Variants in PHEX observed in about 807,000 individuals in gnomAD.
PHEX encodes phosphate regulating endopeptidase X-linked, also known as phosphate-regulating neutral endopeptidase PHEX.
In PHEX, 16 loss-of-function variants were observed where a neutral mutation model predicts 68.0. The ratio of observed to expected loss-of-function variants is 0.24; its 90% CI spans 0.16 to 0.36. The LOEUF is 0.36. PHEX is among the 10% of genes least tolerant of loss of function. The pLI, the probability that PHEX is intolerant of heterozygous loss-of-function variation, is 1.00. For missense variants in PHEX, 480 were observed against 575.5 expected (o/e 0.83, Z 1.70); for synonymous variants, 208 against 205.1 (o/e 1.01, Z -0.12).
intron 3 of PHEX, among the ~76,000 whole-genome samples, chrX:22,056,933 C>T (rs1244384163): frequency 9.1e-6 from 1 of 109,620 alleles, no homozygotes; most frequent in Non-Finnish European, 1.9e-5. Flanking sequence ...CTTTTGGGTA[C>T]CTGAAAATAT....
At chrX:22,224,947 A>AATTATCATACAGCGCTGTAGGATTT (rs1935401265) in intron 18 of PHEX, among the ~76,000 whole-genome samples, 1 of 23,250 alleles carries the variant, frequency 4.3e-5, no homozygotes, top group Non-Finnish European at 7.9e-5. Flanking sequence ...AAATAACATA[A>AATTATCATACAGCGCTGTAGGATTT]ATTATCATAC....
chrX:22,211,973 C>T (rs1254681771), intron 15 of PHEX, among the ~76,000 whole-genome samples: 1 of 111,528 alleles, frequency 9.0e-6, no homozygotes, highest in African/African-American at 3.3e-5. Flanking sequence ...TCCACCTGGC[C>T]CCACCCTTGA....
intron 16 of PHEX, among the ~76,000 whole-genome samples, chrX:22,213,164 A>G (rs776799914): frequency 1.1e-3 from 123 of 112,259 alleles, no homozygotes; most frequent in Middle Eastern, 4.6e-3. Context: ...AAGCCATCTT[A>G]CACATAGGTG....
chrX:22,092,836 G>A lies in PHEX; in HGVS notation c.733-1147G>A, dbSNP rs759322906. Among the ~76,000 whole-genome samples the A allele has an allele frequency of 9.6e-5, 9 of 94,187 alleles. 1 individual carries two copies. The East Asian group carries it at 1.8e-3, about 19-fold the overall frequency. The allele number at this position is 94,187 out of a possible 115,157, so 81.8% of individuals were successfully genotyped here. A position where few individuals can be genotyped will look rare whatever the true frequency, so the allele number is the denominator to read the frequency against. ...ATAATCTCGGCTCACTGCAACCTCC[G>A]CCTCCTGGGTTCAAGCGATTCTGCT... is the stretch of plus-strand genomic sequence containing the variant. On this transcript the variant is annotated intron_variant, in intron 6 of 21. Transcript: ENST00000379374.
chrX:22,225,183 C>T (rs1285592506), intron 18 of PHEX, among the ~76,000 whole-genome samples: 2 of 108,463 alleles, frequency 1.8e-5, no homozygotes, highest in Non-Finnish European at 3.8e-5. Flanking sequence ...TCTCATGTTG[C>T]ATCACTCTGA....
At chrX:22,191,825 G>T (rs1294267443) in intron 15 of PHEX, among the ~76,000 whole-genome samples, 1 of 112,292 alleles carries the variant, frequency 8.9e-6, no homozygotes, top group Non-Finnish European at 1.9e-5. Context: ...TCTGCAGGAA[G>T]ATGAGTCACA....
intron 14 of PHEX, among the ~76,000 whole-genome samples, chrX:22,184,644 A>G (rs1239671132): frequency 9.0e-6 from 1 of 111,602 alleles, no homozygotes; most frequent in Non-Finnish European, 1.9e-5. Flanking sequence ...TCACTTCATC[A>G]GCTTGCTTAA....
At chrX:22,235,962 C>T in intron 20 of PHEX, among the ~76,000 whole-genome samples, 1 of 111,163 alleles carries the variant, frequency 9.0e-6, no homozygotes, top group Non-Finnish European at 1.9e-5. Flanking sequence ...CATCTGGCTT[C>T]CCAAATTTTC....
intron 20 of PHEX, among the ~76,000 whole-genome samples, chrX:22,243,647 A>C (rs1366364955): frequency 1.8e-5 from 2 of 112,626 alleles, no homozygotes; most frequent in African/African-American, 6.5e-5. Context: ...TTAAAAGAAG[A>C]CATTTATGCA....
chrX:22,097,903 G>T (rs1395867949), intron 8 of PHEX: 1 of 173,634 alleles, frequency 5.8e-6, no homozygotes, highest in African/African-American at 3.2e-5. Flanking sequence ...GAGTAGCTGG[G>T]ATTACAGGTG....
intron 20 of PHEX, among the ~76,000 whole-genome samples, chrX:22,244,692 G>T (rs1254267107): frequency 8.9e-6 from 1 of 111,851 alleles, no homozygotes; most frequent in Non-Finnish European, 1.9e-5. Context: ...AAAGACATAC[G>T]AGGATATGTG....
At chrX:22,064,284 C>CCT (rs1928502700) in intron 3 of PHEX, among the ~76,000 whole-genome samples, 2 of 108,436 alleles carry the variant, frequency 1.8e-5, no homozygotes, top group Non-Finnish European at 3.8e-5. Flanking sequence ...TTTTTCTGAA[C>CCT]CTCTCCCCTC....
chrX:22,250,727 G>A lies in PHEX; in HGVS notation c.*2774G>A, dbSNP rs1038572755. 8.9e-6 allele frequency: 1 copy of A among 112,128 alleles called. No homozygotes were observed. The highest frequency in any genetic ancestry group is 1.9e-5 in the Non-Finnish European group (1 of 53,193). The allele number at this position is 112,128 out of a possible 1,213,427, so 9.2% of individuals were successfully genotyped here. A position where few individuals can be genotyped will look rare whatever the true frequency, so the allele number is the denominator to read the frequency against. Reference sequence around the variant, plus strand: ...TTTATTCATTTTATGAGATGGACTTGGACATCACTAATGCAAACACAGGAT... The same window carrying A: ...TTTATTCATTTTATGAGATGGACTTAGACATCACTAATGCAAACACAGGAT... On this transcript the variant is annotated 3_prime_UTR_variant, in exon 22 of 22. Transcript: ENST00000379374.
At chrX:22,111,428 C>A in intron 9 of PHEX, 39 bp from the exon 10 acceptor site, 4 of 1,038,554 alleles carry the variant, frequency 3.9e-6, no homozygotes, top group Non-Finnish European at 5.4e-6. Context: ...CAGATATTGA[C>A]CTAAAATACA....
At chrX:22,186,591 C>T (rs910799665) in intron 14 of PHEX, among the ~76,000 whole-genome samples, 2 of 112,614 alleles carry the variant, frequency 1.8e-5, no homozygotes, top group Non-Finnish European at 3.7e-5. Context: ...GAAGAAATAA[C>T]AGCATCAACA....
chrX:22,114,300 T>C (rs1240517713), intron 10 of PHEX, among the ~76,000 whole-genome samples, 158 bp from the exon 11 acceptor site: 1 of 111,374 alleles, frequency 9.0e-6, no homozygotes, highest in Non-Finnish European at 1.9e-5. Context: ...CAGAATTTTT[T>C]TCTTCAACTA....
intron 5 of PHEX, among the ~76,000 whole-genome samples, chrX:22,077,943 C>T (rs1929232443): frequency 8.9e-6 from 1 of 111,944 alleles, no homozygotes; most frequent in South Asian, 3.7e-4. Context: ...TGATCTGGCC[C>T]TCATATGCCT....
At chrX:22,160,576 A>T (rs892777290) in intron 12 of PHEX, among the ~76,000 whole-genome samples, 33 of 108,813 alleles carry the variant, frequency 3.0e-4, no homozygotes, top group African/African-American at 1.0e-3. Flanking sequence ...GAAAAGAAAA[A>T]AGAAAGCAAG....
intron 3 of PHEX, among the ~76,000 whole-genome samples, chrX:22,051,536 A>C (rs1927834713): frequency 8.9e-6 from 1 of 112,027 alleles, no homozygotes. Flanking sequence ...ATCTCAAAAA[A>C]AACAAAAAAC....
Sources: allele counts gnomAD v4.1 joint callset (sites outside exome capture counted in the v4.1 genomes callset), GRCh38; gene constraint gnomAD v4.1.1; transcripts MANE v1.5; gene names NCBI Gene and HGNC (gene_info 2026-07-23, HGNC 2026-07-21).